Variants in PCDHGA5 observed in about 807,000 individuals in gnomAD.
PCDHGA5 encodes protocadherin gamma subfamily A, 5, also known as protocadherin gamma-A5.
Under a neutral mutation model 56.7 loss-of-function variants are expected in PCDHGA5, and 36 were observed. The ratio of observed to expected loss-of-function variants is 0.64; its 90% confidence interval spans 0.49 to 0.84. The LOEUF is 0.84. Ranked by LOEUF, PCDHGA5 falls within the 40% of genes least tolerant of loss-of-function variation. PCDHGA5 has a pLI of 0.00. For synonymous variants in PCDHGA5, 563 were observed against 520.2 expected (o/e 1.08, Z -1.12); for missense variants, 1,305 against 1,201.5 (o/e 1.09, Z -1.27).
At chr5:141,425,429 A>G in intron 1 of PCDHGA5, among the ~76,000 whole-genome samples, 1 of 152,254 alleles carries the variant, frequency 6.6e-6, no homozygotes, top group East Asian at 1.9e-4. Flanking sequence ...CCCATTAAAT[A>G]GAGGATAAAA....
chr5:141,442,796 T>G (rs909745554), intron 1 of PCDHGA5, among the ~76,000 whole-genome samples: 16 of 152,326 alleles, frequency 1.1e-4, no homozygotes, highest in African/African-American at 3.8e-4. Context: ...AATTTTACTT[T>G]GATATTCAAA....
chr5:141,386,009 G>T (rs956571005), intron 1 of PCDHGA5: 7 of 152,222 alleles, frequency 4.6e-5, no homozygotes, highest in Non-Finnish European at 8.8e-5. Context: ...CATTTTAAGT[G>T]TTGTAATTGG....
chr5:141,400,028 C>T (rs2093943957), intron 1 of PCDHGA5: 1 of 1,613,054 alleles, frequency 6.2e-7, no homozygotes. Context: ...AGGGACGCGG[C>T]CCGCCAGCGC....
rs776348214 is a variant in PCDHGA5 at position 141,487,781 on chromosome 5, G to A, written c.2422-7026G>A. 108 of 1,526,850 alleles carry A rather than the reference G, an allele frequency of 7.1e-5. No individual in the cohort carries two copies. Among genetic ancestry groups the A allele is most frequent in the East Asian group, 3.7e-4 (15 of 40,622 alleles). 94.6% of individuals were successfully genotyped at this position (1,526,850 alleles called of 1,614,324 possible). On this transcript the variant is annotated intron_variant, in intron 1 of 3. Coordinates refer to ENST00000518069, the MANE Select transcript of PCDHGA5 (RefSeq NM_018918.3). This position sits in a 1 kb window ranked among gnomAD's most constrained non-coding sequence, Gnocchi z 5.0. ...AGACGCTGTGCTTTGTAACTGTTTC[G>A]TGAATTAACCAGAGTTGTCACAGTT... is the stretch of plus-strand genomic sequence containing the variant.
At chr5:141,394,150 A>G in intron 1 of PCDHGA5, 3 of 1,613,916 alleles carry the variant, frequency 1.9e-6, no homozygotes, top group East Asian at 2.2e-5. Context: ...GCAGACATTA[A>G]CGACAACCCT....
intron 1 of PCDHGA5, among the ~76,000 whole-genome samples, chr5:141,461,233 G>T (rs2099011336): frequency 6.6e-6 from 1 of 152,028 alleles, no homozygotes; most frequent in East Asian, 1.9e-4. Context: ...CATAGAGGTT[G>T]TACTAATTTA....
chr5:141,431,440 C>T lies in PCDHGA5; in HGVS notation c.2422-63367C>T. ...ACCCGGTGCGCACAGGCACCGCGCG[C>T]ATCCGCGTGATGGTTCTGGATGCGA... is the stretch of plus-strand genomic sequence containing the variant. On this transcript the variant is annotated intron_variant, in intron 1 of 3. Transcript: ENST00000518069. The surrounding 1 kb of genome is among the most constrained non-coding windows in gnomAD (Gnocchi z 4.8). 6.2e-7 allele frequency: 1 copy of T among 1,613,754 alleles called. No homozygotes were observed.
intron 1 of PCDHGA5, chr5:141,440,034 A>T (rs995962283): frequency 6.5e-6 from 1 of 153,052 alleles, no homozygotes; most frequent in African/African-American, 2.4e-5. Context: ...AGTGTCGAGG[A>T]CATGCCCACT....
Position 141,491,410 on chromosome 5 carries a change from GA to G in PCDHGA5, c.2422-3396del. 1 of 1,614,142 alleles carries G rather than the reference GA, an allele frequency of 6.2e-7. No homozygotes were observed. The highest frequency in any genetic ancestry group is 8.5e-7 in the Non-Finnish European group (1 of 1,180,034). On this transcript the variant is annotated intron_variant, in intron 1 of 3. Coordinates refer to ENST00000518069, the MANE Select transcript of PCDHGA5 (RefSeq NM_018918.3). This position sits in a 1 kb window ranked among gnomAD's most constrained non-coding sequence, Gnocchi z 6.9. ...GTGCCTTCAGGGAAACGCAGACGGG[GA>G]CGGGGGTGGAGGGCAGTGCTGCAGG...
chr5:141,421,353 G>T, intron 1 of PCDHGA5: 1 of 1,613,998 alleles, frequency 6.2e-7, no homozygotes, highest in Non-Finnish European at 8.5e-7. Context: ...AGACCGAAAA[G>T]GGCTCCTTCG....
At chr5:141,457,107 A>G (rs2098908740) in intron 1 of PCDHGA5, among the ~76,000 whole-genome samples, 1 of 152,260 alleles carries the variant, frequency 6.6e-6, no homozygotes, top group African/African-American at 2.4e-5. Flanking sequence ...ATTAAGCAAA[A>G]TACGACAGCA....
At position 141,410,026 on chromosome 5, in the gene PCDHGA5, G is replaced by A. The variant is rs571122351; in HGVS notation, c.2421+43275G>A. 37 of 1,613,302 alleles carry A rather than the reference G, an allele frequency of 2.3e-5. 2 individuals carry two copies. The East Asian group carries it at 8.0e-4, about 35-fold the overall frequency. On this transcript the variant is annotated intron_variant, in intron 1 of 3. Coordinates refer to ENST00000518069, the MANE Select transcript of PCDHGA5 (RefSeq NM_018918.3). ...ACAACGCCTGGCTGTCCTACCACGTGCTGCAGGCCAGTGAGCCCGGACTCT... is the reference window on the plus strand; with the variant it reads ...ACAACGCCTGGCTGTCCTACCACGTACTGCAGGCCAGTGAGCCCGGACTCT...
At chr5:141,404,791 G>A (rs747844350) in intron 1 of PCDHGA5, 2 of 1,613,932 alleles carry the variant, frequency 1.2e-6, no homozygotes, top group Non-Finnish European at 8.5e-7. Flanking sequence ...AGGCCAGTGA[G>A]CCAGGGCTCT....
At position 141,477,898 on chromosome 5, in the gene PCDHGA5, A is replaced by C; in HGVS notation, c.2422-16909A>C. The C allele has an allele frequency of 6.2e-7, 1 of 1,614,158 alleles. No individual in the cohort carries two copies. Among genetic ancestry groups the C allele is most frequent in the East Asian group, 2.2e-5 (1 of 44,864 alleles). ...CTGGCCACCTAGTGTCACGGGTGGT[A>C]GGCTGGGACGCGGATGCAGGGCACA... On this transcript the variant is annotated intron_variant, in intron 1 of 3. Transcript: ENST00000518069. This position sits in a 1 kb window ranked among gnomAD's most constrained non-coding sequence, Gnocchi z 4.9.
chr5:141,410,103 A>G, intron 1 of PCDHGA5: 1 of 1,612,622 alleles, frequency 6.2e-7, no homozygotes, highest in South Asian at 1.1e-5. Flanking sequence ...GCCTTAGGCG[A>G]CAGGGACGCA....
At chr5:141,500,809 A>G (rs1018522111) in intron 2 of PCDHGA5, among the ~76,000 whole-genome samples, 1 of 152,324 alleles carries the variant, frequency 6.6e-6, no homozygotes, top group African/African-American at 2.4e-5. Context: ...CCTCATATGA[A>G]TATACATATT....
At chr5:141,372,318 C>T (rs1768657000) in intron 1 of PCDHGA5, 2 of 1,613,632 alleles carry the variant, frequency 1.2e-6, no homozygotes, top group Non-Finnish European at 1.7e-6. Context: ...CCGCCAGCGC[C>T]TGCTGGTCAC....
At chr5:141,470,694 A>T (rs763715272) in intron 1 of PCDHGA5, among the ~76,000 whole-genome samples, 1 of 151,978 alleles carries the variant, frequency 6.6e-6, no homozygotes, top group African/African-American at 2.4e-5. Flanking sequence ...GAAATTCTTA[A>T]TAATTTTTAT....
At chr5:141,395,186 G>A in intron 1 of PCDHGA5, 1 of 1,614,086 alleles carries the variant, frequency 6.2e-7, no homozygotes, top group Non-Finnish European at 8.5e-7. Flanking sequence ...ATGATTCTTT[G>A]TTAACATCCG....
Sources: gnomAD v4.1 joint callset for allele counts (sites outside exome capture counted in the v4.1 genomes callset) on GRCh38, gnomAD v4.1.1 for gene constraint, Gnocchi (gnomAD v3.1) non-coding constraint, MANE v1.5 for transcripts, NCBI Gene and HGNC (gene_info 2026-07-23, HGNC 2026-07-21) for gene names.